The following HDX variants were observed in gnomAD, a reference collection of about 807,000 sequenced individuals.
HDX encodes the protein chromosome X open reading frame 43.
Under a neutral mutation model 45.2 loss-of-function variants are expected in HDX, and 19 were observed. The observed-to-expected ratio is 0.42, with a 90% CI of 0.29 to 0.62. HDX has a LOEUF of 0.62. Ranked by LOEUF, HDX falls within the 20% of genes least tolerant of loss-of-function variation. The pLI, the probability that HDX is intolerant of heterozygous loss-of-function variation, is 0.20. For synonymous variants in HDX, 188 were observed against 172.8 expected (o/e 1.09, Z -0.69); for missense variants, 532 against 493.9 (o/e 1.08, Z -0.73).
chrX:84,390,972 G>T (rs752119618), intron 5 of HDX, among the ~76,000 whole-genome samples: 3 of 111,871 alleles, frequency 2.7e-5, no homozygotes, highest in Admixed American at 1.9e-4. Flanking sequence ...AACATTTCAA[G>T]CCCCACCTTC....
intron 5 of HDX, among the ~76,000 whole-genome samples, chrX:84,423,197 GAT>G (rs756622712): frequency 9.1e-6 from 1 of 109,670 alleles, no homozygotes; most frequent in Non-Finnish European, 1.9e-5. Context: ...AAACCAGGGA[GAT>G]ATTAAAAACC....
At chrX:84,456,163 G>GA (rs1181087432) in intron 4 of HDX, among the ~76,000 whole-genome samples, 1 of 111,586 alleles carries the variant, frequency 9.0e-6, no homozygotes, top group African/African-American at 3.2e-5. Context: ...TAAGTACAGA[G>GA]AAAATCACAG....
intron 3 of HDX, among the ~76,000 whole-genome samples, chrX:84,474,691 C>T (rs749589517): frequency 4.9e-4 from 55 of 112,238 alleles, no homozygotes; most frequent in Non-Finnish European, 1.0e-3. Context: ...CGTTACCTTT[C>T]AAGAATGTAG....
intron 5 of HDX, among the ~76,000 whole-genome samples, chrX:84,423,760 C>G (rs1314373619): frequency 8.9e-6 from 1 of 111,764 alleles, no homozygotes; most frequent in East Asian, 2.8e-4. Flanking sequence ...TATAATTCAA[C>G]ATCCCTTCAG....
Position 84,469,318 on chromosome X carries a change from T to TTTA in HDX, c.402_404dup (p.His134_Lys135insAsn). 1 of 1,211,310 alleles carries TTTA rather than the reference T, an allele frequency of 8.3e-7. No individual in the cohort carries two copies. The highest frequency in any genetic ancestry group is 1.1e-6 in the Non-Finnish European group (1 of 895,296). Reference sequence around the variant, plus strand: ...TAGTGGCTGTTTTCTGAATAGGGATTTTATGTGCTTCTGTAATTTGTGTGT... The same window carrying TTTA: ...TAGTGGCTGTTTTCTGAATAGGGATTTTATTATGTGCTTCTGTAATTTGTGTGT... On this transcript the variant is annotated inframe_insertion, in exon 4 of 11. Transcript: ENST00000373177.
rs766195672 is a variant in HDX, at chrX:84,483,108, G to GC, written c.-1+4915dup. ...CAACTTTGTGGCTTTGCAGGGTACA[G>GC]CGCCCCCCTCAGCTGATTTCACAGA... On this transcript the variant is annotated intron_variant, in intron 2 of 10. Transcript: ENST00000373177. Among the ~76,000 whole-genome samples the GC allele has an allele frequency of 3.5e-3, 391 of 110,821 alleles. 1 individual carries two copies. The highest frequency in any genetic ancestry group is 0.01 in the African/African-American group (305 of 30,424).
At chrX:84,501,287 T>G (rs2041113539) in intron 1 of HDX, 1 of 111,643 alleles carries the variant, frequency 9.0e-6, no homozygotes, top group Non-Finnish European at 1.9e-5. Context: ...AAAGGGCTTC[T>G]CAAAATAATA....
At chrX:84,452,285 T>A (rs1396554025) in intron 4 of HDX, among the ~76,000 whole-genome samples, 7 of 110,594 alleles carry the variant, frequency 6.3e-5, no homozygotes, top group African/African-American at 2.3e-4. Context: ...CCAAAATAAT[T>A]CTTAAATCAG....
chrX:84,485,599 T>G (rs902944445), intron 2 of HDX, among the ~76,000 whole-genome samples: 4 of 111,640 alleles, frequency 3.6e-5, no homozygotes, highest in African/African-American at 1.3e-4. Context: ...GGTTTCACCA[T>G]GTTGGCCAGG....
At chrX:84,331,628 C>T (rs1009077726) in intron 9 of HDX, among the ~76,000 whole-genome samples, 2 of 111,411 alleles carry the variant, frequency 1.8e-5, no homozygotes, top group African/African-American at 6.5e-5. Context: ...TTTCAGTCAA[C>T]AATGTGCCAC....
At chrX:84,390,228 T>C (rs1245908229) in intron 5 of HDX, among the ~76,000 whole-genome samples, 2 of 111,343 alleles carry the variant, frequency 1.8e-5, no homozygotes, top group Non-Finnish European at 3.8e-5. Flanking sequence ...AGTCTCTAGA[T>C]TTAACCACAC....
chrX:84,484,188 C>A (rs1034065824), intron 2 of HDX, among the ~76,000 whole-genome samples: 3 of 112,025 alleles, frequency 2.7e-5, no homozygotes, highest in African/African-American at 9.7e-5. Flanking sequence ...GTTGCTTCCA[C>A]ATTTTGGGGT....
intron 5 of HDX, among the ~76,000 whole-genome samples, chrX:84,365,664 T>G (rs896055781): frequency 1.3e-4 from 15 of 111,925 alleles, no homozygotes; most frequent in African/African-American, 4.9e-4. Context: ...ATATTTTATC[T>G]GCTGGAACAC....
At chrX:84,479,153 T>C (rs140318577) in intron 2 of HDX, among the ~76,000 whole-genome samples, 72 of 111,670 alleles carry the variant, frequency 6.4e-4, no homozygotes, top group African/African-American at 2.1e-3. Context: ...ATGTATATAG[T>C]CATCAAACCA....
chrX:84,359,764 C>T (rs1176788601), intron 6 of HDX, among the ~76,000 whole-genome samples: 2 of 111,542 alleles, frequency 1.8e-5, no homozygotes, highest in African/African-American at 3.3e-5. Flanking sequence ...TGAGGAATCA[C>T]CACACTGTTT....
At chrX:84,345,750 C>T (rs946748825) in intron 6 of HDX, among the ~76,000 whole-genome samples, 1 of 111,557 alleles carries the variant, frequency 9.0e-6, no homozygotes, top group East Asian at 2.8e-4. Flanking sequence ...TTCTTATCAG[C>T]AATGCATGAG....
intron 7 of HDX, 86 bp downstream of exon 7, chrX:84,344,164 A>T: frequency 1.4e-6 from 1 of 725,926 alleles, no homozygotes; most frequent in Non-Finnish European, 2.1e-6. Flanking sequence ...AAGACTCTAG[A>T]CTTGAAATGC....
At chrX:84,370,066 T>C (rs1433424183) in intron 5 of HDX, among the ~76,000 whole-genome samples, 5 of 111,963 alleles carry the variant, frequency 4.5e-5, no homozygotes, top group African/African-American at 1.6e-4. Flanking sequence ...TTGCCCTTCC[T>C]AATGTGAATG....
chrX:84,419,570 C>A (rs2039199727), intron 5 of HDX, among the ~76,000 whole-genome samples: 1 of 112,210 alleles, frequency 8.9e-6, no homozygotes. Context: ...CCTGTGGCAT[C>A]TTGAGACCCA....
Sources: allele counts gnomAD v4.1 joint callset (sites outside exome capture counted in the v4.1 genomes callset), GRCh38; gene constraint gnomAD v4.1.1; transcripts MANE v1.5; gene names NCBI Gene and HGNC (gene_info 2026-07-23, HGNC 2026-07-21).